ZNF274: variants seen among roughly 807,000 people sequenced by gnomAD.
The protein encoded by ZNF274 is zinc finger protein 274.
A neutral mutation model predicts 42.5 loss-of-function variants in ZNF274; 23 were observed. That is an observed-to-expected ratio of 0.54 (90% CI 0.39 to 0.77). The LOEUF (loss-of-function observed/expected upper bound fraction) is 0.77, where lower values mean the gene tolerates loss of function less well. Ranked by LOEUF, ZNF274 falls within the 30% of genes least tolerant of loss-of-function variation. ZNF274 has a pLI of 0.00. For missense variants in ZNF274, 679 were observed against 806.5 expected (o/e 0.84, Z 1.91); for synonymous variants, 292 against 305.4 (o/e 0.96, Z 0.46).
At position 58,213,382 on chromosome 19, in the gene ZNF274, A is replaced by G; in HGVS notation, c.*239A>G. Reference sequence around the variant, plus strand: ...CCCATTCACTTGATATTGTTTGTTCACTCATTTAGTCATTAAAAGTGAGAT... The same window carrying G: ...CCCATTCACTTGATATTGTTTGTTCGCTCATTTAGTCATTAAAAGTGAGAT... On this transcript the variant is annotated 3_prime_UTR_variant, in exon 8 of 8. Transcript: ENST00000617501. 4.3e-6 allele frequency: 2 copies of G among 464,046 alleles called. No homozygotes were observed. Among genetic ancestry groups the G allele is most frequent in the Middle Eastern group, 5.8e-4 (1 of 1,732 alleles). 28.7% of individuals were successfully genotyped at this position (464,046 alleles called of 1,614,324 possible).
chr19:58,200,859 G>A (rs2146224544), intron 4 of ZNF274, among the ~76,000 whole-genome samples: 1 of 152,248 alleles, frequency 6.6e-6, no homozygotes, highest in African/African-American at 2.4e-5. Flanking sequence ...AGTTCTGCAG[G>A]CTGTACAAGG....
chr19:58,197,925 C>T (rs1165702892), intron 4 of ZNF274, among the ~76,000 whole-genome samples: 2 of 152,166 alleles, frequency 1.3e-5, no homozygotes, highest in Non-Finnish European at 2.9e-5. Context: ...CTGTGTAAAT[C>T]GTGATCCTCT....
In ZNF274 at chr19:58,188,714, A is replaced by ATATG. The variant is rs1555816936; in HGVS notation, c.256+1675_256+1676insGTAT. Among the ~76,000 whole-genome samples the ATATG allele has an allele frequency of 7.9e-4, 101 of 127,582 alleles. 1 individual carries two copies. The highest frequency in any genetic ancestry group is 1.4e-3 in the Non-Finnish European group (85 of 61,062). 83.7% of individuals were successfully genotyped at this position (127,582 alleles called of 152,430 possible). A position where few individuals can be genotyped will look rare whatever the true frequency, so the allele number is the denominator to read the frequency against. On this transcript the variant is annotated intron_variant, in intron 4 of 7. Transcript: ENST00000617501. ...TATATGTATATATATATATATATATATATATATATAAATCTTTAAAAATAG... is the reference window on the plus strand; with the variant it reads ...TATATGTATATATATATATATATATATATGTATATATATAAATCTTTAAAAATAG...
intron 6 of ZNF274, 122 bp downstream of exon 6, chr19:58,210,195 T>G (rs1233320391): frequency 1.4e-6 from 1 of 710,486 alleles, no homozygotes; most frequent in Non-Finnish European, 2.4e-6. Context: ...CATTCTGAGA[T>G]TCTGAGCTCT....
At chr19:58,201,514 C>CTTTTTT (rs11418348) in intron 4 of ZNF274, among the ~76,000 whole-genome samples, 1 of 143,844 alleles carries the variant, frequency 7.0e-6, no homozygotes. Flanking sequence ...GCATGAATTT[C>CTTTTTT]TTTTTTTTTT....
rs777228456 is a variant in ZNF274, at chr19:58,213,031, G to A, written c.1850G>A (p.Arg617His). Residue 617 changes from arginine (R) to histidine (H), a missense_variant, in exon 8 of 8, where the codon CGC (arginine) becomes CAC (histidine). By Grantham distance (29) the Arg-to-His change is conservative (BLOSUM62 0). Transcript: ENST00000617501. ...IRHQRTHTGE[R>H]PYACNKCGKA... Reference sequence around the variant, plus strand: ...CATCAGAGGACTCACACCGGGGAGCGCCCATATGCATGCAACAAATGTGGA... The same window carrying A: ...CATCAGAGGACTCACACCGGGGAGCACCCATATGCATGCAACAAATGTGGA... The A allele has an allele frequency of 1.5e-5, 24 of 1,613,812 alleles. No homozygotes were observed. The highest frequency in any genetic ancestry group is 1.9e-5 in the Non-Finnish European group (23 of 1,179,906).
At position 58,186,979 on chromosome 19, in the gene ZNF274, CAGTT is replaced by C. The variant is rs755921889; in HGVS notation, c.196_199del (p.Leu66ArgfsTer39). 17 of 1,613,644 alleles carry C rather than the reference CAGTT, an allele frequency of 1.1e-5. No individual in the cohort carries two copies. Among genetic ancestry groups the C allele is most frequent in the African/African-American group, 2.7e-5 (2 of 74,928 alleles). ...GCTTTCCAAACCAGATGTGGTATCT[CAGTT>C]AGAGGAGGCAGAAGATTTCTGGCCA... On this transcript the variant is annotated frameshift_variant, in exon 4 of 8. Coordinates refer to ENST00000617501, the MANE Select transcript of ZNF274 (RefSeq NM_133502.3). LOFTEE classifies it high-confidence loss of function.
rs766221762 is a variant in ZNF274, at chr19:58,211,944, C to T, written c.980-217C>T. On this transcript the variant is annotated intron_variant, in intron 7 of 7. Transcript: ENST00000617501. The surrounding 1 kb of genome is among the most constrained non-coding windows in gnomAD (Gnocchi z 4.8). Reference sequence around the variant, plus strand: ...TGAGAGAACAGGAACTCGAAGAGCTCGGAGGACACTCCCTGCCCTTCCTGT... The same window carrying T: ...TGAGAGAACAGGAACTCGAAGAGCTTGGAGGACACTCCCTGCCCTTCCTGT... Among the ~76,000 whole-genome samples, 11 of 152,138 alleles carry T rather than the reference C, an allele frequency of 7.2e-5. No individual in the cohort carries two copies. Among genetic ancestry groups the T allele is most frequent in the African/African-American group, 1.2e-4 (5 of 41,434 alleles).
intron 4 of ZNF274, among the ~76,000 whole-genome samples, chr19:58,189,314 T>C (rs565844735): frequency 7.2e-5 from 11 of 152,202 alleles, no homozygotes; most frequent in South Asian, 2.1e-4. Context: ...CCAAACACTT[T>C]AGTGTGTTGT....
At chr19:58,188,620 A>AT (rs1555816812) in intron 4 of ZNF274, among the ~76,000 whole-genome samples, 1,024 of 69,754 alleles carry the variant, frequency 0.015, 12 homozygotes, top group Middle Eastern at 0.033. Context: ...AAAAAAAAAA[A>AT]ATATATATAT....
chr19:58,205,247 G>T (rs541867583), intron 4 of ZNF274, among the ~76,000 whole-genome samples: 1 of 152,212 alleles, frequency 6.6e-6, no homozygotes, highest in Admixed American at 6.5e-5. Context: ...ACAACAGCAA[G>T]GGTGAAATTG....
In ZNF274 at chr19:58,213,324, A is replaced by G. The variant is rs1462954455; in HGVS notation, c.*181A>G. The G allele has an allele frequency of 1.6e-6, 1 of 633,042 alleles. No individual in the cohort carries two copies. Among genetic ancestry groups the G allele is most frequent in the African/African-American group, 1.8e-5 (1 of 55,236 alleles). 39.2% of individuals were successfully genotyped at this position (633,042 alleles called of 1,614,324 possible). Reference sequence around the variant, plus strand: ...TAATGAATAAATAAGAAAATGAGTGAGGAGTTATTAACATCATTTGGAAAA... The same window carrying G: ...TAATGAATAAATAAGAAAATGAGTGGGGAGTTATTAACATCATTTGGAAAA... On this transcript the variant is annotated 3_prime_UTR_variant, in exon 8 of 8. Coordinates refer to ENST00000617501, the MANE Select transcript of ZNF274 (RefSeq NM_133502.3).
At chr19:58,196,529 A>G (rs931139538) in intron 4 of ZNF274, among the ~76,000 whole-genome samples, 5 of 151,254 alleles carry the variant, frequency 3.3e-5, no homozygotes, top group East Asian at 1.9e-4. Flanking sequence ...GCCACTGCAG[A>G]AAAAAAAACA....
At chr19:58,204,250 G>A (rs1461413702) in intron 4 of ZNF274, among the ~76,000 whole-genome samples, 1 of 152,128 alleles carries the variant, frequency 6.6e-6, no homozygotes, top group Non-Finnish European at 1.5e-5. Flanking sequence ...CTGTCAGCGG[G>A]GACTAGGGAG....
intron 6 of ZNF274, chr19:58,210,623 T>C (rs2146251461): frequency 6.6e-6 from 1 of 152,640 alleles, no homozygotes; most frequent in South Asian, 2.1e-4. Context: ...ATGTATTCTC[T>C]GGTAGGCTTC....
intron 4 of ZNF274, among the ~76,000 whole-genome samples, chr19:58,202,764 T>C (rs1843879712): frequency 6.6e-6 from 1 of 152,102 alleles, no homozygotes; most frequent in East Asian, 1.9e-4. Flanking sequence ...GCCCTAAAGG[T>C]CTTGGGATAG....
intron 2 of ZNF274, 54 bp downstream of exon 2, chr19:58,184,052 CG>C (rs2075665410): frequency 3.2e-6 from 5 of 1,554,902 alleles, no homozygotes; most frequent in Non-Finnish European, 4.4e-6. Context: ...TGGGAGGATG[CG>C]GATGGTGGTG....
chr19:58,189,588 T>G (rs781241537), intron 4 of ZNF274, among the ~76,000 whole-genome samples: 3 of 152,174 alleles, frequency 2.0e-5, no homozygotes, highest in Non-Finnish European at 4.4e-5. Flanking sequence ...TTACTGTACT[T>G]TGATATATAG....
At position 58,211,707 on chromosome 19, in the gene ZNF274, C is replaced by A; in HGVS notation, c.979+21C>A. 6.2e-7 allele frequency: 1 copy of A among 1,602,556 alleles called. No homozygotes were observed. Among genetic ancestry groups the A allele is most frequent in the Non-Finnish European group, 8.5e-7 (1 of 1,173,038 alleles). ...TGTGGGTAAGGCTGTGCCCCCTCTTCACCCACCTCAGGGCTGGTAGGCCAC... is the reference window on the plus strand; with the variant it reads ...TGTGGGTAAGGCTGTGCCCCCTCTTAACCCACCTCAGGGCTGGTAGGCCAC... On this transcript the variant is annotated intron_variant, in intron 7 of 7. Transcript: ENST00000617501. This position sits in a 1 kb window ranked among gnomAD's most constrained non-coding sequence, Gnocchi z 4.8.
Sources: gnomAD v4.1 joint callset for allele counts (sites outside exome capture counted in the v4.1 genomes callset) on GRCh38, gnomAD v4.1.1 for gene constraint, Gnocchi (gnomAD v3.1) non-coding constraint, MANE v1.5 for transcripts, NCBI Gene and HGNC (gene_info 2026-07-23, HGNC 2026-07-21) for gene names.